Variants in RGPD2 observed in about 807,000 individuals in gnomAD.
RGPD2 encodes the protein RANBP2 like and GRIP domain containing 2.
RGPD2 carries 2 observed loss-of-function variants against 36.0 expected under a neutral mutation model. That is an observed-to-expected ratio of 0.06 (90% CI 0.02 to 0.17). The LOEUF (loss-of-function observed/expected upper bound fraction) is 0.17. RGPD2 is among the 10% of genes least tolerant of loss of function. The pLI is 1.00. For missense variants in RGPD2, 40 were observed against 464.3 expected (o/e 0.09, Z 8.40); for synonymous variants, 19 against 163.8 (o/e 0.12, Z 6.75).
At chr2:87,966,622 A>G in the RGPD2 span, among the ~76,000 whole-genome samples, 3 of 152,294 alleles carry the variant, frequency 2.0e-5, no homozygotes, top group Admixed American at 1.3e-4. Context: ...CAAATGAACC[A>G]ATTAGAACTT....
the RGPD2 span, among the ~76,000 whole-genome samples, chr2:87,844,418 G>C: frequency 2.0e-5 from 3 of 151,154 alleles, no homozygotes; most frequent in African/African-American, 7.3e-5. Flanking sequence ...TGATTGTTTA[G>C]ATATTATAAT....
the RGPD2 span, among the ~76,000 whole-genome samples, chr2:87,883,600 T>G: frequency 6.6e-6 from 1 of 151,900 alleles, no homozygotes; most frequent in African/African-American, 2.4e-5. Context: ...CCACTCATAT[T>G]AAAAGTGAAT....
the RGPD2 span, among the ~76,000 whole-genome samples, chr2:87,984,790 C>T: frequency 1.3e-5 from 2 of 151,368 alleles, no homozygotes; most frequent in East Asian, 2.0e-4. Context: ...ATTAGCCGGG[C>T]GTGGTGGCGG....
chr2:87,947,923 C>T, the RGPD2 span, among the ~76,000 whole-genome samples: 82 of 151,786 alleles, frequency 5.4e-4, no homozygotes, highest in Non-Finnish European at 1.3e-4. Context: ...TCTGGCTACC[C>T]GTTCGGGACC....
chr2:87,824,786 G>C (rs1401489470), intron 1 of RGPD2, among the ~76,000 whole-genome samples: 1 of 16,496 alleles, frequency 6.1e-5, no homozygotes, highest in Non-Finnish European at 9.7e-5. Flanking sequence ...GGCCGAGGCC[G>C]AGGCCGAGGC....
chr2:87,983,397 T>C, the RGPD2 span, among the ~76,000 whole-genome samples: 1 of 131,722 alleles, frequency 7.6e-6, no homozygotes, highest in Non-Finnish European at 1.6e-5. Flanking sequence ...AGACAGCAAT[T>C]CCTTCATGTG....
the RGPD2 span, among the ~76,000 whole-genome samples, chr2:87,884,979 C>T: frequency 1.3e-5 from 2 of 152,126 alleles, no homozygotes; most frequent in African/African-American, 2.4e-5. Flanking sequence ...GTACAGTACA[C>T]TACAAGAAAA....
At chr2:87,973,692 CTA>C in the RGPD2 span, among the ~76,000 whole-genome samples, 1 of 68,818 alleles carries the variant, frequency 1.5e-5, no homozygotes, top group African/African-American at 6.1e-5. Context: ...CGTGAACCAG[CTA>C]AAAAAAAAAA....
the RGPD2 span, among the ~76,000 whole-genome samples, chr2:87,857,774 TAAAAAA>T: frequency 1.6e-5 from 2 of 123,488 alleles, no homozygotes; most frequent in African/African-American, 7.6e-5. Flanking sequence ...CCATCTCTAC[TAAAAAA>T]AAAAAAAAAA....
chr2:87,973,307 G>A, the RGPD2 span, among the ~76,000 whole-genome samples: 11 of 137,726 alleles, frequency 8.0e-5, no homozygotes, highest in Non-Finnish European at 4.9e-5. Flanking sequence ...GGCGACTCCG[G>A]TATTAAGCTC....
At chr2:87,871,603 C>T in the RGPD2 span, among the ~76,000 whole-genome samples, 2 of 151,416 alleles carry the variant, frequency 1.3e-5, no homozygotes, top group Non-Finnish European at 2.9e-5. Context: ...CGGTGGCTCA[C>T]GCCTATAATC....
chr2:87,947,818 G>A, the RGPD2 span, among the ~76,000 whole-genome samples: 95 of 152,384 alleles, frequency 6.2e-4, no homozygotes, highest in Non-Finnish European at 1.2e-3. Flanking sequence ...CATGTCACAA[G>A]TGGTTAATTG....
At chr2:87,915,697 T>A in the RGPD2 span, among the ~76,000 whole-genome samples, 1 of 148,354 alleles carries the variant, frequency 6.7e-6, no homozygotes, top group Non-Finnish European at 1.5e-5. Context: ...CATATTCCAC[T>A]ATCTCCAAAC....
the RGPD2 span, among the ~76,000 whole-genome samples, chr2:87,947,813 C>G: frequency 6.6e-6 from 1 of 152,312 alleles, no homozygotes; most frequent in African/African-American, 2.4e-5. Context: ...TAAAACATGT[C>G]ACAAGTGGTT....
chr2:87,960,272 G>A, the RGPD2 span, among the ~76,000 whole-genome samples: 5,051 of 136,164 alleles, frequency 0.037, 3 homozygotes, highest in African/African-American at 0.13. Context: ...CAGATGTACC[G>A]TATGAACTCA....
chr2:87,985,242 C>A, the RGPD2 span, among the ~76,000 whole-genome samples: 2 of 150,860 alleles, frequency 1.3e-5, no homozygotes, highest in Non-Finnish European at 2.9e-5. Flanking sequence ...GTATAGTACT[C>A]GGCTAAAGTA....
At chr2:87,983,335 G>GAAAA in the RGPD2 span, among the ~76,000 whole-genome samples, 200 of 149,554 alleles carry the variant, frequency 1.3e-3, 4 homozygotes, top group South Asian at 0.042. Context: ...AGGAAAGAAA[G>GAAAA]GAAAAGAAAA....
At chr2:87,913,044 T>A in the RGPD2 span, among the ~76,000 whole-genome samples, 1 of 152,148 alleles carries the variant, frequency 6.6e-6, no homozygotes, top group Non-Finnish European at 1.5e-5. Flanking sequence ...GCTGTCAAAA[T>A]TATGTAAATA....
At chr2:87,988,524 A>AATATATAT in the RGPD2 span, among the ~76,000 whole-genome samples, 23 of 42,860 alleles carry the variant, frequency 5.4e-4, 2 homozygotes, top group South Asian at 1.7e-3. Flanking sequence ...TATACATATA[A>AATATATAT]ATATATATAT....
Sources: allele counts gnomAD v4.1 joint callset (sites outside exome capture counted in the v4.1 genomes callset), GRCh38; gene constraint gnomAD v4.1.1; transcripts MANE v1.5; gene names NCBI Gene and HGNC (gene_info 2026-07-23, HGNC 2026-07-21).